GDAP2: variants seen among roughly 807,000 people sequenced by gnomAD.
The protein encoded by GDAP2 is ganglioside induced differentiation associated protein 2, also known as ganglioside-induced differentiation-associated protein 2.
In GDAP2, 51 loss-of-function variants were observed where a neutral mutation model predicts 67.0. That is an observed-to-expected ratio of 0.76 (90% CI 0.61 to 0.96). The LOEUF is 0.96. GDAP2 is among the 40% of genes least tolerant of loss of function. The probability of loss-of-function intolerance (pLI) is 0.00; values close to 1 mark genes in which losing one functional copy is unlikely to be tolerated. For synonymous variants in GDAP2, 203 were observed against 207.3 expected (o/e 0.98, Z 0.18); for missense variants, 547 against 588.3 (o/e 0.93, Z 0.73).
chr1:117,877,651 C>T, intron 13 of GDAP2: 1 of 1,010,402 alleles, frequency 9.9e-7, no homozygotes, highest in Non-Finnish European at 1.2e-6. Flanking sequence ...AAAGTGATCA[C>T]CAATAAATTC....
chr1:117,890,854 C>A (rs1649053217), intron 8 of GDAP2, among the ~76,000 whole-genome samples: 2 of 151,854 alleles, frequency 1.3e-5, no homozygotes, highest in Admixed American at 1.3e-4. Flanking sequence ...AACATTCATC[C>A]GTATCACTGG....
rs576038817 is a variant in GDAP2 at position 117,879,537 on chromosome 1, T to C, written c.1303-1385A>G. Among the ~76,000 whole-genome samples, 7 of 152,312 alleles carry C rather than the reference T, an allele frequency of 4.6e-5. No homozygotes were observed. The South Asian group carries it at 8.3e-4, about 18-fold the overall frequency. ...ATAGTGTACATTTACTGAGCACTTA[T>C]TATACGTCAGGTAATGTTTTAAGTA... On this transcript the variant is annotated intron_variant, in intron 12 of 13. Coordinates refer to ENST00000369443, the MANE Select transcript of GDAP2 (RefSeq NM_017686.4).
chr1:117,920,324 C>G lies in GDAP2; in HGVS notation c.34G>C (p.Asp12His). The stretch of plus-strand genomic sequence containing the variant: ...CCCCAGCTTGGTAGTGTATCCACAT[C>G]CACAAACTGGGAAGGTGCACCTAAG... ...DPLGAPSQFV[D>H]VDTLPSWGDS... Residue 12 changes from aspartate (D) to histidine (H), a missense_variant, in exon 2 of 14, where the codon GAT (aspartate) becomes CAT (histidine). Asp to His is a moderately conservative substitution (Grantham distance 81, BLOSUM62 -1). Transcript: ENST00000369443. The G allele has an allele frequency of 6.2e-7, 1 of 1,606,882 alleles. No homozygotes were observed. Among genetic ancestry groups the G allele is most frequent in the Non-Finnish European group, 8.5e-7 (1 of 1,176,702 alleles).
intron 5 of GDAP2, among the ~76,000 whole-genome samples, chr1:117,908,759 A>G (rs963297914): frequency 6.6e-6 from 1 of 152,034 alleles, no homozygotes; most frequent in Admixed American, 6.6e-5. Context: ...CAGGAGGTTG[A>G]GGCTGCATTG....
chr1:117,864,762 A>G lies in GDAP2; in HGVS notation c.*5807T>C, dbSNP rs913572267. On this transcript the variant is annotated 3_prime_UTR_variant, in exon 14 of 14. Coordinates refer to ENST00000369443, the MANE Select transcript of GDAP2 (RefSeq NM_017686.4). ...TTTTCCTTATTAAAAAGTGAAGTAC[A>G]TTATTCAGTTTGAGAAAACTGGTCT... 6.6e-6 allele frequency: 1 copy of G among 152,180 alleles called. No individual in the cohort carries two copies. Among genetic ancestry groups the G allele is most frequent in the Non-Finnish European group, 1.5e-5 (1 of 68,020 alleles). The allele number at this position is 152,180 out of a possible 1,614,324, so 9.4% of individuals were successfully genotyped here.
Position 117,867,097 on chromosome 1 carries a change from G to C in GDAP2, c.*3472C>G, listed in dbSNP as rs1391138548. 1 of 152,040 alleles carries C rather than the reference G, an allele frequency of 6.6e-6. No individual in the cohort carries two copies. The highest frequency in any genetic ancestry group is 1.5e-5 in the Non-Finnish European group (1 of 68,016). The allele number at this position is 152,040 out of a possible 1,614,324, so 9.4% of individuals were successfully genotyped here. On this transcript the variant is annotated 3_prime_UTR_variant, in exon 14 of 14. Coordinates refer to ENST00000369443, the MANE Select transcript of GDAP2 (RefSeq NM_017686.4). ...TCAATGTATCGGGGAAATACAAAGA[G>C]TGATCTTTAGTTTATGCTGAATACT...
chr1:117,911,938 G>T, intron 5 of GDAP2, 56 bp downstream of exon 5: 2 of 1,039,800 alleles, frequency 1.9e-6, no homozygotes, highest in South Asian at 1.3e-5. Flanking sequence ...ACCATGCCCA[G>T]AATTTAAAAA....
intron 13 of GDAP2, chr1:117,877,694 T>C: frequency 9.5e-7 from 1 of 1,057,856 alleles, no homozygotes. Flanking sequence ...AGCCATTCAA[T>C]CTTAAGAAAA....
chr1:117,929,060 C>A (rs577955422), intron 1 of GDAP2, among the ~76,000 whole-genome samples: 49 of 152,276 alleles, frequency 3.2e-4, no homozygotes, highest in Non-Finnish European at 6.6e-4. Flanking sequence ...CCACCCCTCA[C>A]CCGAGGTGCT....
intron 1 of GDAP2, among the ~76,000 whole-genome samples, chr1:117,920,631 T>C (rs968946000): frequency 6.6e-6 from 1 of 151,686 alleles, no homozygotes; most frequent in Admixed American, 6.6e-5. Context: ...TATTTAAGCA[T>C]AAATTCTTTT....
chr1:117,901,695 T>C (rs1001160204), intron 6 of GDAP2, among the ~76,000 whole-genome samples: 1 of 152,218 alleles, frequency 6.6e-6, no homozygotes, highest in Non-Finnish European at 1.5e-5. Flanking sequence ...GTTTAATTTT[T>C]TTTTTCTATT....
chr1:117,881,830 C>T lies in GDAP2; in HGVS notation c.1295G>A (p.Arg432His), dbSNP rs147927111. The part of the protein sequence containing the change: ...KAVYFVHPTF[R>H]SKVSTWFFTT... ...AAGAGAAAAATACTGTACCTTTGAACGAAATGTGGGATGTACAAAATAAAC... is the reference window on the plus strand; with the variant it reads ...AAGAGAAAAATACTGTACCTTTGAATGAAATGTGGGATGTACAAAATAAAC... The change falls in exon 12 of 14, where the codon CGT becomes CAT. Residue 432 changes from arginine (R) to histidine (H), a missense_variant. Arg to His is a conservative substitution (Grantham distance 29). Transcript: ENST00000369443. 2.5e-5 allele frequency: 39 copies of T among 1,546,116 alleles called. No individual in the cohort carries two copies. The highest frequency in any genetic ancestry group is 7.8e-5 in the South Asian group (7 of 89,634).
intron 8 of GDAP2, among the ~76,000 whole-genome samples, chr1:117,892,196 G>T (rs1015316542): frequency 2.0e-5 from 3 of 151,974 alleles, no homozygotes; most frequent in Non-Finnish European, 4.4e-5. Flanking sequence ...TATAGATTGT[G>T]TAAGTCTGAT....
At chr1:117,877,754 C>CGA in intron 13 of GDAP2, 1 of 1,187,364 alleles carries the variant, frequency 8.4e-7, no homozygotes, top group Non-Finnish European at 1.0e-6. Context: ...ACAATACAAA[C>CGA]GAAAATTGGT....
rs2101111530 is a variant in GDAP2 at position 117,868,258 on chromosome 1, T to C, written c.*2311A>G. 6.6e-6 allele frequency: 1 copy of C among 152,326 alleles called. No homozygotes were observed. Among genetic ancestry groups the C allele is most frequent in the African/African-American group, 2.4e-5 (1 of 41,562 alleles). 9.4% of individuals were successfully genotyped at this position (152,326 alleles called of 1,614,324 possible). On this transcript the variant is annotated 3_prime_UTR_variant, in exon 14 of 14. Coordinates refer to ENST00000369443, the MANE Select transcript of GDAP2 (RefSeq NM_017686.4). ...CATTCTATAACACTTTAGACATCTA[T>C]AAAAGCATGAACTTGGTCCCACATC...
chr1:117,900,578 C>T (rs1019600063), intron 6 of GDAP2, among the ~76,000 whole-genome samples: 9 of 151,752 alleles, frequency 5.9e-5, no homozygotes, highest in African/African-American at 2.2e-4. Flanking sequence ...TCAACCTGAC[C>T]AACATGGTGA....
At chr1:117,925,959 C>G (rs1650430782) in intron 1 of GDAP2, among the ~76,000 whole-genome samples, 1 of 152,198 alleles carries the variant, frequency 6.6e-6, no homozygotes, top group Non-Finnish European at 1.5e-5. Context: ...CTTCATTTGA[C>G]CATTTCTCCT....
chr1:117,870,959 C>T (rs1648237021), intron 13 of GDAP2, among the ~76,000 whole-genome samples: 1 of 152,148 alleles, frequency 6.6e-6, no homozygotes, highest in Non-Finnish European at 1.5e-5. Flanking sequence ...AACTGAGGAT[C>T]ACACAGATTG....
intron 10 of GDAP2, among the ~76,000 whole-genome samples, chr1:117,884,559 T>C (rs1181898609): frequency 6.6e-6 from 1 of 152,178 alleles, no homozygotes; most frequent in Non-Finnish European, 1.5e-5. Context: ...GAAAACACAG[T>C]ATCTTTCCAT....
Sources: allele counts gnomAD v4.1 joint callset (sites outside exome capture counted in the v4.1 genomes callset), GRCh38; gene constraint gnomAD v4.1.1; transcripts MANE v1.5; gene names NCBI Gene and HGNC (gene_info 2026-07-23, HGNC 2026-07-21).